Variants in DPP10 observed in about 807,000 individuals in gnomAD.
DPP10 encodes the protein dipeptidyl peptidase like 10, also known as inactive dipeptidyl peptidase 10.
DPP10 carries 33 observed loss-of-function variants against 120.9 expected under a neutral mutation model. The observed-to-expected ratio is 0.27, with a 90% CI of 0.21 to 0.37. The LOEUF is 0.37. DPP10 is among the 10% of genes least tolerant of loss of function. The pLI is 1.00. For missense variants in DPP10, 816 were observed against 942.8 expected, an observed-to-expected ratio of 0.87 and a Z score of 1.76; for synonymous variants, 337 against 326.1, an observed-to-expected ratio of 1.03 and a Z score of -0.36.
chr2:115,244,427 T>C (rs981408601), intron 1 of DPP10, among the ~76,000 whole-genome samples: 3 of 151,794 alleles, frequency 2.0e-5, no homozygotes, highest in Admixed American at 6.6e-5. Context: ...ATTATAAAAA[T>C]TGCAGTGAAG....
chr2:114,471,795 C>G (rs1035489379), intron 1 of DPP10, among the ~76,000 whole-genome samples: 1 of 152,040 alleles, frequency 6.6e-6, no homozygotes, highest in Non-Finnish European at 1.5e-5. Context: ...CATTTCAAGG[C>G]CAGGAAGGCT....
chr2:115,546,659 C>G lies in DPP10; in HGVS notation c.441+20687C>G, dbSNP rs534745136. On this transcript the variant is annotated intron_variant, in intron 5 of 25. Transcript: ENST00000410059. Reference sequence around the variant, plus strand: ...AAAAAGGAAGACATTGATAATTAAACTTATCAAAGACCAGCAATATCACAT... The same window carrying G: ...AAAAAGGAAGACATTGATAATTAAAGTTATCAAAGACCAGCAATATCACAT... Among the ~76,000 whole-genome samples the G allele has an allele frequency of 5.9e-5, 9 of 152,072 alleles. 1 individual carries two copies. Among genetic ancestry groups the G allele is most frequent in the Admixed American group, 5.2e-4 (8 of 15,246 alleles).
rs2078528396 is a variant in DPP10 at position 115,532,456 on chromosome 2, T to G, written c.441+6484T>G. ...ATTTTCCTATTTATTTGAAATCATA[T>G]CAACTAATTCCTAATTAATTAATTG... On this transcript the variant is annotated intron_variant, in intron 5 of 25. Coordinates refer to ENST00000410059, the MANE Select transcript of DPP10 (RefSeq NM_020868.6). 2.0e-5 allele frequency among the ~76,000 whole-genome samples: 3 copies of G among 152,102 alleles called. No homozygotes were observed. In the South Asian group the frequency reaches 6.2e-4, roughly 31 times the overall value.
chr2:115,288,012 A>G (rs1486298610), intron 1 of DPP10, among the ~76,000 whole-genome samples: 1 of 151,920 alleles, frequency 6.6e-6, no homozygotes, highest in African/African-American at 2.4e-5. Flanking sequence ...TATAATGACT[A>G]TTTTTCCTTT....
intron 25 of DPP10, among the ~76,000 whole-genome samples, chr2:115,841,087 G>A (rs1459646063): frequency 2.0e-5 from 3 of 151,534 alleles, no homozygotes; most frequent in African/African-American, 7.3e-5. Context: ...TCTTTTAAAA[G>A]TAACAAGTTT....
intron 1 of DPP10, among the ~76,000 whole-genome samples, chr2:114,449,735 T>A (rs932119917): frequency 1.3e-5 from 2 of 152,202 alleles, no homozygotes; most frequent in Admixed American, 1.3e-4. Flanking sequence ...AAGTGCTTTG[T>A]ATTATGATTT....
At chr2:115,057,198 A>T (rs973252299) in intron 1 of DPP10, among the ~76,000 whole-genome samples, 4 of 152,206 alleles carry the variant, frequency 2.6e-5, no homozygotes, top group Non-Finnish European at 5.9e-5. Context: ...AAATATGCCC[A>T]GATACCACCT....
At chr2:114,721,968 T>C (rs1413757165) in intron 1 of DPP10, among the ~76,000 whole-genome samples, 4 of 152,178 alleles carry the variant, frequency 2.6e-5, no homozygotes, top group South Asian at 2.1e-4. Flanking sequence ...AAGTACATTA[T>C]AGTGTAGTTG....
chr2:114,486,866 T>C (rs1681564935), intron 1 of DPP10, among the ~76,000 whole-genome samples: 1 of 152,176 alleles, frequency 6.6e-6, no homozygotes, highest in Admixed American at 6.6e-5. Context: ...AAAATGCTGG[T>C]TTAACATAAC....
intron 1 of DPP10, among the ~76,000 whole-genome samples, chr2:114,462,301 A>G (rs1678991496): frequency 6.6e-6 from 1 of 152,208 alleles, no homozygotes; most frequent in African/African-American, 2.4e-5. Flanking sequence ...GTTGTGGCAC[A>G]TTACTATTAA....
At position 114,689,007 on chromosome 2, in the gene DPP10, C is replaced by T. The variant is rs147054518; in HGVS notation, c.60+246169C>T. On this transcript the variant is annotated intron_variant, in intron 1 of 25. Transcript: ENST00000410059. ...TTAACATTCCAGGTTAATACTCATT[C>T]ATGTATTTATTGCTCAGTCCAGCTT... 3.3e-5 allele frequency among the ~76,000 whole-genome samples: 5 copies of T among 151,602 alleles called. No individual in the cohort carries two copies. In the East Asian group the frequency reaches 9.8e-4, roughly 30 times the overall value.
intron 1 of DPP10, among the ~76,000 whole-genome samples, chr2:114,497,356 CATATACATACACATGT>C (rs1682737549): frequency 1.0e-5 from 1 of 99,562 alleles, no homozygotes; most frequent in Non-Finnish European, 2.2e-5. Context: ...TACACATGTA[CATATACATACACATGT>C]ACATATACAT....
chr2:114,882,649 A>G (rs1270149426), intron 1 of DPP10, among the ~76,000 whole-genome samples: 1 of 152,060 alleles, frequency 6.6e-6, no homozygotes, highest in Non-Finnish European at 1.5e-5. Flanking sequence ...ATCCATGTAA[A>G]CAGAAAACCC....
chr2:114,700,228 A>C (rs79212707), intron 1 of DPP10, among the ~76,000 whole-genome samples: 6,619 of 152,068 alleles, frequency 0.044, 172 homozygotes, highest in South Asian at 0.097. Context: ...TTTTTGTTGG[A>C]GAATCAATCA....
intron 1 of DPP10, among the ~76,000 whole-genome samples, chr2:114,845,670 A>G (rs1200425888): frequency 6.6e-6 from 1 of 152,194 alleles, no homozygotes; most frequent in Non-Finnish European, 1.5e-5. Flanking sequence ...GAAGTGCAGC[A>G]GCTTTGCAGG....
At chr2:115,219,220 C>G (rs2057003755) in intron 1 of DPP10, among the ~76,000 whole-genome samples, 1 of 152,132 alleles carries the variant, frequency 6.6e-6, no homozygotes, top group Non-Finnish European at 1.5e-5. Context: ...ATTGACCTCT[C>G]TATACCTGGA....
intron 1 of DPP10, among the ~76,000 whole-genome samples, chr2:115,110,403 G>T (rs1301398212): frequency 6.6e-6 from 1 of 152,080 alleles, no homozygotes; most frequent in East Asian, 1.9e-4. Context: ...TGAATTACTA[G>T]GAAAAGGAGC....
intron 1 of DPP10, among the ~76,000 whole-genome samples, chr2:114,771,774 T>C (rs1426715593): frequency 6.6e-6 from 1 of 152,188 alleles, no homozygotes; most frequent in East Asian, 1.9e-4. Flanking sequence ...ATAATCTCAG[T>C]CTGATTTGAG....
intron 2 of DPP10, among the ~76,000 whole-genome samples, chr2:115,309,658 A>G (rs909419348): frequency 2.0e-5 from 3 of 152,094 alleles, no homozygotes; most frequent in Admixed American, 6.6e-5. Context: ...TGCAGAAGAC[A>G]TTTGACTTTT....
Sources: gnomAD v4.1 joint callset for allele counts (sites outside exome capture counted in the v4.1 genomes callset) on GRCh38, gnomAD v4.1.1 for gene constraint, MANE v1.5 for transcripts, NCBI Gene and HGNC (gene_info 2026-07-23, HGNC 2026-07-21) for gene names.